The following METTL25 variants were observed in gnomAD, a reference collection of about 807,000 sequenced individuals.
The protein encoded by METTL25 is probable methyltransferase-like protein 25.
METTL25 carries 64 observed loss-of-function variants against 71.6 expected under a neutral mutation model. The ratio of observed to expected loss-of-function variants is 0.89; its 90% CI spans 0.73 to 1.10. The LOEUF (loss-of-function observed/expected upper bound fraction) is 1.10. Ranked by LOEUF, METTL25 falls within the 50% of genes least tolerant of loss-of-function variation. The probability of loss-of-function intolerance (pLI) is 0.00; values close to 1 mark genes in which losing one functional copy is unlikely to be tolerated. For missense variants in METTL25, 807 were observed against 707.0 expected (o/e 1.14, Z -1.60); for synonymous variants, 287 against 250.3 (o/e 1.15, Z -1.38).
intron 8 of METTL25, among the ~76,000 whole-genome samples, chr12:82,448,908 GATTATGGAGAA>G (rs1565874159): frequency 3.3e-5 from 5 of 152,102 alleles, no homozygotes; most frequent in African/African-American, 1.2e-4. Context: ...AATATTTTGT[GATTATGGAGAA>G]ACTGAATTTT....
chr12:82,454,668 T>G (rs866504398), intron 8 of METTL25, among the ~76,000 whole-genome samples: 1 of 151,956 alleles, frequency 6.6e-6, no homozygotes, highest in South Asian at 2.1e-4. Flanking sequence ...AAGGCCAAAT[T>G]AAAATTGAAA....
At chr12:82,364,627 C>T (rs1882351505) in intron 1 of METTL25, among the ~76,000 whole-genome samples, 3 of 152,024 alleles carry the variant, frequency 2.0e-5, no homozygotes, top group African/African-American at 7.2e-5. Flanking sequence ...ATAATATTAC[C>T]TACCTTCTAG....
chr12:82,442,544 AG>A (rs1890428674), intron 8 of METTL25, among the ~76,000 whole-genome samples: 1 of 152,172 alleles, frequency 6.6e-6, no homozygotes, highest in African/African-American at 2.4e-5. Flanking sequence ...TAGAATGACA[AG>A]GTATTAGTGG....
chr12:82,437,622 A>G (rs570909135), intron 7 of METTL25, among the ~76,000 whole-genome samples: 1 of 151,868 alleles, frequency 6.6e-6, no homozygotes, highest in Admixed American at 6.6e-5. Context: ...ATCTGAATTA[A>G]TTAAAACATA....
chr12:82,375,483 T>A (rs1170605595), intron 1 of METTL25, among the ~76,000 whole-genome samples: 1 of 152,136 alleles, frequency 6.6e-6, no homozygotes, highest in Non-Finnish European at 1.5e-5. Context: ...AATTACCCAG[T>A]CTCAAGTATT....
intron 1 of METTL25, among the ~76,000 whole-genome samples, chr12:82,363,193 G>A (rs1274990815): frequency 6.6e-6 from 1 of 152,192 alleles, no homozygotes; most frequent in Non-Finnish European, 1.5e-5. Flanking sequence ...CCACATGCCT[G>A]GGAGACCTAG....
chr12:82,422,310 C>T (rs1043580560), intron 5 of METTL25, among the ~76,000 whole-genome samples: 6 of 152,126 alleles, frequency 3.9e-5, no homozygotes, highest in African/African-American at 1.4e-4. Context: ...ATGATTATCT[C>T]AATAGATGCA....
chr12:82,386,698 A>G (rs1885056359), intron 1 of METTL25, 105 bp from the exon 2 acceptor site: 2 of 884,400 alleles, frequency 2.3e-6, no homozygotes, highest in East Asian at 5.2e-5. Context: ...AAATGAAAAT[A>G]TTGGCATTTG....
intron 6 of METTL25, among the ~76,000 whole-genome samples, chr12:82,431,194 T>C (rs1889472245): frequency 1.3e-5 from 2 of 151,210 alleles, no homozygotes; most frequent in African/African-American, 2.4e-5. Context: ...ATATATATTT[T>C]AATTATTAAA....
At chr12:82,402,750 C>A (rs1484617702) in intron 4 of METTL25, among the ~76,000 whole-genome samples, 2 of 151,998 alleles carry the variant, frequency 1.3e-5, no homozygotes, top group Non-Finnish European at 2.9e-5. Context: ...ATCTTCAACT[C>A]ATGCTGTGGG....
chr12:82,427,406 A>C (rs139917895), intron 5 of METTL25, among the ~76,000 whole-genome samples: 50 of 152,040 alleles, frequency 3.3e-4, no homozygotes, highest in African/African-American at 1.2e-3. Context: ...TTCTTGTATT[A>C]GATTTTTCCT....
chr12:82,383,852 TACAA>T (rs1884696098), intron 1 of METTL25, among the ~76,000 whole-genome samples: 1 of 152,198 alleles, frequency 6.6e-6, no homozygotes, highest in Non-Finnish European at 1.5e-5. Context: ...GTCCCTTGTA[TACAA>T]ACAAACAATT....
At chr12:82,359,333 G>C (rs974123946) in intron 1 of METTL25, among the ~76,000 whole-genome samples, 1 of 152,194 alleles carries the variant, frequency 6.6e-6, no homozygotes, top group Non-Finnish European at 1.5e-5. Flanking sequence ...GTTGCAGGCG[G>C]TGGGAACCGC....
chr12:82,411,821 A>C (rs1887577665), intron 5 of METTL25, among the ~76,000 whole-genome samples: 1 of 152,110 alleles, frequency 6.6e-6, no homozygotes, highest in Non-Finnish European at 1.5e-5. Context: ...ACACAAAGTC[A>C]GATTCTTTTG....
intron 5 of METTL25, among the ~76,000 whole-genome samples, chr12:82,419,552 G>A (rs77870293): frequency 0.013 from 1,936 of 152,092 alleles, 24 homozygotes; most frequent in Middle Eastern, 0.024. Context: ...GCAGAACCCC[G>A]TAAGTTCAAC....
chr12:82,394,060 CTT>C (rs1178081562), intron 3 of METTL25, among the ~76,000 whole-genome samples: 2 of 151,920 alleles, frequency 1.3e-5, no homozygotes, highest in Admixed American at 1.3e-4. Context: ...CAGAGTTTCT[CTT>C]GTTATTGATA....
At chr12:82,387,274 T>A (rs1279302604) in intron 2 of METTL25, among the ~76,000 whole-genome samples, 3 of 152,054 alleles carry the variant, frequency 2.0e-5, no homozygotes, top group African/African-American at 7.2e-5. Context: ...ATCTACATTA[T>A]TTTTGTTGCA....
chr12:82,439,590 A>G (rs577589508), intron 8 of METTL25, among the ~76,000 whole-genome samples: 14 of 151,844 alleles, frequency 9.2e-5, no homozygotes, highest in Non-Finnish European at 1.5e-4. Flanking sequence ...CTTTTTACGG[A>G]TAGAAGTTAC....
chr12:82,461,225 A>G (rs892486237), intron 9 of METTL25, among the ~76,000 whole-genome samples: 2 of 152,180 alleles, frequency 1.3e-5, no homozygotes, highest in African/African-American at 4.8e-5. Flanking sequence ...TCTCTGTCCT[A>G]TTTTCAAAAT....
Sources: allele counts gnomAD v4.1 joint callset (sites outside exome capture counted in the v4.1 genomes callset), GRCh38; gene constraint gnomAD v4.1.1; transcripts MANE v1.5; gene names NCBI Gene and HGNC (gene_info 2026-07-23, HGNC 2026-07-21).